The following ACCSL variants were observed in gnomAD, a reference collection of about 807,000 sequenced individuals.
ACCSL encodes the protein probable inactive 1-aminocyclopropane-1-carboxylate synthase-like protein 2.
In ACCSL, 55 loss-of-function variants were observed where a neutral mutation model predicts 61.7. The ratio of observed to expected loss-of-function variants is 0.89; its 90% confidence interval spans 0.72 to 1.12. The LOEUF (loss-of-function observed/expected upper bound fraction) is 1.12. Ranked by LOEUF, ACCSL falls within the 50% of genes most tolerant of loss-of-function variation. The probability of loss-of-function intolerance (pLI) is 0.00; values close to 1 mark genes in which losing one functional copy is unlikely to be tolerated. For synonymous variants in ACCSL, 258 were observed against 264.3 expected (o/e 0.98, Z 0.23); for missense variants, 632 against 698.0 (o/e 0.91, Z 1.07).
chr11:43,977,608 C>T, the ACCSL span, among the ~76,000 whole-genome samples: 43 of 152,342 alleles, frequency 2.8e-4, no homozygotes, highest in South Asian at 7.3e-3. Flanking sequence ...AGACTTCTGA[C>T]CTCCTTCTGA....
the ACCSL span, among the ~76,000 whole-genome samples, chr11:43,956,170 G>A: frequency 1.3e-5 from 2 of 151,890 alleles, no homozygotes; most frequent in Non-Finnish European, 2.9e-5. Flanking sequence ...ACAGCTCAGC[G>A]TTTGCCTTAT....
chr11:43,934,799 T>G, the ACCSL span, among the ~76,000 whole-genome samples: 1 of 152,062 alleles, frequency 6.6e-6, no homozygotes, highest in Non-Finnish European at 1.5e-5. Flanking sequence ...ATGTGCATCC[T>G]GGGACACACT....
rs79085907 is a variant in ACCSL, at chr11:44,059,226, A to G, written c.1624+527A>G. On this transcript the variant is annotated intron_variant, in intron 13 of 13. Coordinates refer to ENST00000378832, the MANE Select transcript of ACCSL (RefSeq NM_001031854.2). ...CACTGCACTCCAGCCTGGGCGACAG[A>G]GTGAGACTGTTTCAAGAAAACAAAA... is the stretch of plus-strand genomic sequence containing the variant. Among the ~76,000 whole-genome samples the G allele has an allele frequency of 4.8e-3, 729 of 152,322 alleles. 7 individuals are homozygous for G. The highest frequency in any genetic ancestry group is 0.017 in the African/African-American group (697 of 41,564).
At chr11:44,027,312 T>A in the ACCSL span, among the ~76,000 whole-genome samples, 4 of 152,252 alleles carry the variant, frequency 2.6e-5, no homozygotes, top group Non-Finnish European at 5.9e-5. Flanking sequence ...GGTATGTGCA[T>A]GCCTCTGAAC....
chr11:44,021,994 G>A, the ACCSL span, among the ~76,000 whole-genome samples: 1 of 152,120 alleles, frequency 6.6e-6, no homozygotes, highest in South Asian at 2.1e-4. Flanking sequence ...TTTTATACCA[G>A]TACCATGCTG....
chr11:43,976,766 T>G, the ACCSL span, among the ~76,000 whole-genome samples: 1 of 152,160 alleles, frequency 6.6e-6, no homozygotes, highest in Non-Finnish European at 1.5e-5. Flanking sequence ...GGCCAGAACG[T>G]GTCACATGGA....
chr11:43,930,982 A>T, the ACCSL span, among the ~76,000 whole-genome samples: 2 of 151,968 alleles, frequency 1.3e-5, no homozygotes, highest in Non-Finnish European at 2.9e-5. Flanking sequence ...GATGAGCCAC[A>T]CTCCGTGGTC....
the ACCSL span, among the ~76,000 whole-genome samples, chr11:43,952,742 TA>T: frequency 6.6e-6 from 1 of 152,198 alleles, no homozygotes; most frequent in African/African-American, 2.4e-5. Context: ...CCCGGCCAAA[TA>T]AAGCCCTTCC....
chr11:44,055,180 C>G, intron 8 of ACCSL, 22 bp from the exon 9 acceptor site: 1 of 1,512,716 alleles, frequency 6.6e-7, no homozygotes, highest in Non-Finnish European at 9.1e-7. Flanking sequence ...ATCTTGTTCT[C>G]CTTCTTTCAT....
At chr11:44,045,468 A>T (rs1408192880), upstream of ACCSL, among the ~76,000 whole-genome samples, 2 of 152,112 alleles carry the variant, frequency 1.3e-5, no homozygotes, top group African/African-American at 2.4e-5. Flanking sequence ...CCACAAAAAA[A>T]CCAAAACATT....
chr11:43,962,875 A>G, the ACCSL span, among the ~76,000 whole-genome samples: 1 of 152,186 alleles, frequency 6.6e-6, no homozygotes, highest in Non-Finnish European at 1.5e-5. Flanking sequence ...AGGAAGATGC[A>G]TTTTCTGACA....
chr11:43,998,906 T>C, the ACCSL span, among the ~76,000 whole-genome samples: 2 of 152,230 alleles, frequency 1.3e-5, no homozygotes, highest in African/African-American at 2.4e-5. Context: ...ACTACAGGCA[T>C]GCACCATCAC....
chr11:44,001,578 C>T, the ACCSL span, among the ~76,000 whole-genome samples: 4 of 151,858 alleles, frequency 2.6e-5, no homozygotes, highest in Non-Finnish European at 4.4e-5. Flanking sequence ...CTGGCCTCGG[C>T]GTGTCCATCT....
At chr11:44,020,870 C>T in the ACCSL span, among the ~76,000 whole-genome samples, 82,886 of 151,784 alleles carry the variant, frequency 0.55, 22,959 homozygotes, top group Admixed American at 0.6. Context: ...CAAATGAGAA[C>T]ATATAATGTT....
At chr11:44,002,046 T>C in the ACCSL span, among the ~76,000 whole-genome samples, 2 of 151,766 alleles carry the variant, frequency 1.3e-5, no homozygotes, top group African/African-American at 4.8e-5. Context: ...GGAAAATAGG[T>C]TTGGAATTAC....
At chr11:43,955,020 T>G in the ACCSL span, among the ~76,000 whole-genome samples, 1 of 152,214 alleles carries the variant, frequency 6.6e-6, no homozygotes, top group African/African-American at 2.4e-5. Context: ...AGGAAAGAAA[T>G]GATTTTGGGG....
At chr11:43,955,585 C>T in the ACCSL span, among the ~76,000 whole-genome samples, 3 of 152,216 alleles carry the variant, frequency 2.0e-5, no homozygotes, top group Admixed American at 1.3e-4. Flanking sequence ...ACGGAGTCTA[C>T]TTCTGGTTGG....
the ACCSL span, among the ~76,000 whole-genome samples, chr11:44,001,821 GTGTGTGTGT>G: frequency 2.2e-4 from 29 of 131,356 alleles, no homozygotes; most frequent in African/African-American, 7.9e-4. Context: ...GTGTGTGTGT[GTGTGTGTGT>G]AGAGGGTGGG....
chr11:43,992,666 G>A, the ACCSL span, among the ~76,000 whole-genome samples: 7 of 152,150 alleles, frequency 4.6e-5, no homozygotes, highest in South Asian at 2.1e-4. Context: ...AGATTCATGC[G>A]CCACTGGAAG....
Sources: gnomAD v4.1 joint callset for allele counts (sites outside exome capture counted in the v4.1 genomes callset) on GRCh38, gnomAD v4.1.1 for gene constraint, MANE v1.5 for transcripts, NCBI Gene and HGNC (gene_info 2026-07-23, HGNC 2026-07-21) for gene names.